Variants in SCML4 observed in about 807,000 individuals in gnomAD.
The protein encoded by SCML4 is Scm polycomb group protein like 4, also known as sex comb on midleg-like protein 4.
In SCML4, 34 loss-of-function variants were observed where a neutral mutation model predicts 41.1. That is an observed-to-expected ratio of 0.83 (90% confidence interval 0.63 to 1.10). The LOEUF is 1.10. Ranked by LOEUF, SCML4 falls within the 50% of genes least tolerant of loss-of-function variation. The probability of loss-of-function intolerance (pLI) is 0.00; values close to 1 mark genes in which losing one functional copy is unlikely to be tolerated. For synonymous variants in SCML4, 214 were observed against 220.9 expected (o/e 0.97, Z 0.28); for missense variants, 522 against 534.1 (o/e 0.98, Z 0.22).
chr6:107,743,956 GT>G (rs1240450597), intron 5 of SCML4: 9 of 152,142 alleles, frequency 5.9e-5, no homozygotes, highest in African/African-American at 2.2e-4. Context: ...AGATGTATCT[GT>G]TTTTTATTAT....
At chr6:107,808,931 G>C (rs560923057) in intron 1 of SCML4, among the ~76,000 whole-genome samples, 3 of 152,346 alleles carry the variant, frequency 2.0e-5, no homozygotes, top group Non-Finnish European at 4.4e-5. Flanking sequence ...ATCTATCTGA[G>C]ATTATTAAGC....
intron 1 of SCML4, among the ~76,000 whole-genome samples, chr6:107,818,470 A>G (rs1420833865): frequency 6.6e-6 from 1 of 152,268 alleles, no homozygotes; most frequent in Non-Finnish European, 1.5e-5. Context: ...TGGAATCAAC[A>G]GCATGTCTTA....
chr6:107,845,242 C>A, the SCML4 span, among the ~76,000 whole-genome samples: 1 of 151,526 alleles, frequency 6.6e-6, no homozygotes, highest in Non-Finnish European at 1.5e-5. Context: ...AAAAAAAAAT[C>A]TCATCCCCAA....
At chr6:107,772,535 T>C (rs1168971499) in intron 1 of SCML4, 149 bp from the exon 2 acceptor site, 1 of 528,192 alleles carries the variant, frequency 1.9e-6, no homozygotes. Flanking sequence ...TACCACTAGA[T>C]GCATTTACGA....
chr6:107,790,854 G>T (rs1258099147), intron 1 of SCML4, among the ~76,000 whole-genome samples: 1 of 152,152 alleles, frequency 6.6e-6, no homozygotes, highest in Non-Finnish European at 1.5e-5. Flanking sequence ...CGGATCACGG[G>T]AGGTCAGGAG....
At chr6:107,803,469 G>C (rs1272995066) in intron 1 of SCML4, among the ~76,000 whole-genome samples, 1 of 149,724 alleles carries the variant, frequency 6.7e-6, no homozygotes, top group African/African-American at 2.5e-5. Flanking sequence ...GGTCCGGGAG[G>C]TGAGGGGCGC....
intron 1 of SCML4, among the ~76,000 whole-genome samples, chr6:107,821,523 C>T (rs752060565): frequency 6.6e-6 from 1 of 152,204 alleles, no homozygotes; most frequent in Non-Finnish European, 1.5e-5. Context: ...CAAGATTTTA[C>T]GCTCCATGAT....
intron 2 of SCML4, among the ~76,000 whole-genome samples, chr6:107,767,415 A>C (rs1287952281): frequency 6.6e-6 from 1 of 152,182 alleles, no homozygotes; most frequent in Non-Finnish European, 1.5e-5. Context: ...CTTTCTACTT[A>C]AGTTTGAATA....
intron 5 of SCML4, among the ~76,000 whole-genome samples, chr6:107,738,018 A>T (rs998867933): frequency 4.6e-5 from 7 of 152,202 alleles, no homozygotes; most frequent in Non-Finnish European, 1.5e-5. Context: ...TGGTTTCTGC[A>T]CATTAAAGTT....
chr6:107,706,752 C>T lies in SCML4; in HGVS notation c.1119+1114G>A, dbSNP rs9486674. Among the ~76,000 whole-genome samples the T allele has an allele frequency of 1.0e-2, 1,516 of 152,196 alleles. 20 individuals carry two copies. The highest frequency in any genetic ancestry group is 0.035 in the African/African-American group (1,461 of 41,532). ...GCTCCTTAAACGTGGAAGAGGACATCAGCAGTGAGAACCAGGGATGGCAGC... is the reference window on the plus strand; with the variant it reads ...GCTCCTTAAACGTGGAAGAGGACATTAGCAGTGAGAACCAGGGATGGCAGC... On this transcript the variant is annotated intron_variant, in intron 7 of 7. Coordinates refer to ENST00000369020, the MANE Select transcript of SCML4 (RefSeq NM_198081.5).
At chr6:107,788,853 C>T (rs1395658698) in intron 1 of SCML4, among the ~76,000 whole-genome samples, 1 of 152,188 alleles carries the variant, frequency 6.6e-6, no homozygotes, top group Non-Finnish European at 1.5e-5. Context: ...TAAAATGTCA[C>T]CAGGTCTGAG....
chr6:107,782,484 G>T (rs570560532), intron 1 of SCML4, among the ~76,000 whole-genome samples: 159 of 152,348 alleles, frequency 1.0e-3, no homozygotes, highest in Admixed American at 0.01. Context: ...ACATTAACAG[G>T]CCTTACCCGG....
chr6:107,761,021 C>G (rs539288764), intron 2 of SCML4, among the ~76,000 whole-genome samples: 3 of 151,922 alleles, frequency 2.0e-5, no homozygotes, highest in African/African-American at 7.2e-5. Flanking sequence ...TTAATGAGCT[C>G]GAAGATATGT....
Position 107,720,953 on chromosome 6 carries a change from C to T in SCML4, c.723G>A (p.Val241=). The T allele has an allele frequency of 6.2e-7, 1 of 1,613,504 alleles. No homozygotes were observed. Among genetic ancestry groups the T allele is most frequent in the South Asian group, 1.1e-5 (1 of 90,994 alleles). The change falls in exon 6 of 8, where the codon GTG becomes GTA. Residue 241 remains valine (V), a synonymous_variant. Transcript: ENST00000369020. ...TGTCCACGCTGTAGCGGTTCATGCC[C>T]ACAGGGTTCACCAGGTACTCTTCGG... is the stretch of plus-strand genomic sequence containing the variant. ...VTTEEYLVNP[V]GMNRYSVDTS...
chr6:107,740,128 A>C (rs1310834385), intron 5 of SCML4: 1 of 470,922 alleles, frequency 2.1e-6, no homozygotes, highest in Non-Finnish European at 4.4e-6. Context: ...TGGGGACATC[A>C]GCTTTTAGGA....
chr6:107,791,085 G>T (rs991941925), intron 1 of SCML4, among the ~76,000 whole-genome samples: 1 of 130,896 alleles, frequency 7.6e-6, no homozygotes, highest in Non-Finnish European at 1.7e-5. Flanking sequence ...AAAAAAAAAA[G>T]CACTGAACAA....
chr6:107,787,107 T>A (rs1411182669), intron 1 of SCML4, among the ~76,000 whole-genome samples: 3 of 152,206 alleles, frequency 2.0e-5, no homozygotes, highest in African/African-American at 7.2e-5. Context: ...GCAACAGAGC[T>A]GGCTGGGGGA....
At chr6:107,745,224 G>T in intron 4 of SCML4, 81 bp from the exon 5 acceptor site, 1 of 1,087,504 alleles carries the variant, frequency 9.2e-7, no homozygotes, top group Non-Finnish European at 1.3e-6. Flanking sequence ...AGGATTTTTC[G>T]TTTGTTCATT....
In SCML4 at chr6:107,707,739, C is replaced by T. The variant is rs998040142; in HGVS notation, c.1119+127G>A. ...ATCTCTGGCTCCCTTGAGGGTGCCCCTAGGGCTTAGTTTAGAGCACCCCTC... is the reference window on the plus strand; with the variant it reads ...ATCTCTGGCTCCCTTGAGGGTGCCCTTAGGGCTTAGTTTAGAGCACCCCTC... On this transcript the variant is annotated intron_variant, in intron 7 of 7. Coordinates refer to ENST00000369020, the MANE Select transcript of SCML4 (RefSeq NM_198081.5). The T allele has an allele frequency of 2.5e-6, 3 of 1,202,614 alleles. No homozygotes were observed. The African/African-American group carries it at 4.5e-5, about 18-fold the overall frequency. The allele number at this position is 1,202,614 out of a possible 1,614,324, so 74.5% of individuals were successfully genotyped here. A position where few individuals can be genotyped will look rare whatever the true frequency, so the allele number is the denominator to read the frequency against.
Sources: gnomAD v4.1 joint callset for allele counts (sites outside exome capture counted in the v4.1 genomes callset) on GRCh38, gnomAD v4.1.1 for gene constraint, MANE v1.5 for transcripts, NCBI Gene and HGNC (gene_info 2026-07-23, HGNC 2026-07-21) for gene names.